Variants in NUP88 observed in about 807,000 individuals in gnomAD.
The protein encoded by NUP88 is nuclear pore complex protein Nup88.
In NUP88, 57 loss-of-function variants were observed where a neutral mutation model predicts 93.9. That is an observed-to-expected ratio of 0.61 (90% CI 0.49 to 0.76). The LOEUF (loss-of-function observed/expected upper bound fraction) is 0.76. Ranked by LOEUF, NUP88 falls within the 30% of genes least tolerant of loss-of-function variation. NUP88 has a pLI of 0.00. For synonymous variants in NUP88, 346 were observed against 336.8 expected (o/e 1.03, Z -0.30); for missense variants, 911 against 901.0 (o/e 1.01, Z -0.14).
chr17:5,416,561 C>G lies in NUP88; in HGVS notation c.419G>C (p.Trp140Ser). Residue 140 changes from tryptophan (W) to serine (S), a missense_variant, in exon 2 of 17, where the codon TGG (tryptophan) becomes TCG (serine). Trp to Ser is a radical substitution (Grantham distance 177). Transcript: ENST00000573584. ...GLMVLELPKR[W>S]GKNSEFEGGK... ...ACCTTCAAATTCAGAATTCTTCCCC[C>G]ATCTTTTAGGTAATTCTAATACCAT... 1 of 1,611,886 alleles carries G rather than the reference C, an allele frequency of 6.2e-7. No individual in the cohort carries two copies. The highest frequency in any genetic ancestry group is 8.5e-7 in the Non-Finnish European group (1 of 1,179,150).
At chr17:5,412,879 C>T (rs2151647278) in intron 3 of NUP88, among the ~76,000 whole-genome samples, 1 of 152,360 alleles carries the variant, frequency 6.6e-6, no homozygotes, top group East Asian at 1.9e-4. Context: ...CCATTCCTTA[C>T]ACTTCACCCT....
At chr17:5,416,188 T>TAA (rs1555530312) in intron 2 of NUP88, among the ~76,000 whole-genome samples, 2 of 126,202 alleles carry the variant, frequency 1.6e-5, no homozygotes, top group African/African-American at 6.0e-5. Context: ...TATACACACA[T>TAA]ACACACACAC....
intron 9 of NUP88, among the ~76,000 whole-genome samples, 182 bp downstream of exon 9, chr17:5,394,709 T>C (rs567883315): frequency 3.9e-5 from 6 of 152,150 alleles, no homozygotes; most frequent in African/African-American, 1.4e-4. Context: ...GTATGTCGAG[T>C]GGCCCTGGAG....
Position 5,386,185 on chromosome 17 carries a change from G to A in NUP88, c.*21C>T. ...GCCTTCAATGGTGTTCAGTTCAGGT[G>A]TGAGTCAGCTCCTGGTGGTGTCAGA... is the stretch of plus-strand genomic sequence containing the variant. On this transcript the variant is annotated 3_prime_UTR_variant, in exon 17 of 17. Transcript: ENST00000573584. The A allele has an allele frequency of 6.3e-7, 1 of 1,598,284 alleles. No homozygotes were observed. The highest frequency in any genetic ancestry group is 8.6e-7 in the Non-Finnish European group (1 of 1,167,552).
In NUP88 at chr17:5,409,490, A is replaced by G. The variant is rs116371758; in HGVS notation, c.681-581T>C. Among the ~76,000 whole-genome samples the G allele has an allele frequency of 6.4e-3, 971 of 152,332 alleles. 8 individuals are homozygous for G. The highest frequency in any genetic ancestry group is 0.021 in the African/African-American group (866 of 41,578). ...TAAATACACAGATATACAAATAGCA[A>G]AAATTTATTATATACACACACATAA... is the stretch of plus-strand genomic sequence containing the variant. On this transcript the variant is annotated intron_variant, in intron 4 of 16. Coordinates refer to ENST00000573584, the MANE Select transcript of NUP88 (RefSeq NM_002532.6).
chr17:5,405,041 A>G lies in NUP88; in HGVS notation c.1044+16T>C, dbSNP rs762562206. 1 of 1,609,958 alleles carries G rather than the reference A, an allele frequency of 6.2e-7. No homozygotes were observed. The highest frequency in any genetic ancestry group is 8.5e-7 in the Non-Finnish European group (1 of 1,177,668). On this transcript the variant is annotated intron_variant, in intron 6 of 16. Transcript: ENST00000573584. ...AGGTGTTGAAGATACAAACAACCAC[A>G]GCAGCCTGCACTTACCGTGTGGTCA...
intron 1 of NUP88, 54 bp from the exon 2 acceptor site, chr17:5,416,736 G>A: frequency 1.4e-6 from 2 of 1,417,044 alleles, no homozygotes; most frequent in Non-Finnish European, 1.9e-6. Context: ...AAATATAGGT[G>A]GCAGTTACTT....
rs201394536 is a variant in NUP88, at chr17:5,386,820, T to C, written c.2050A>G (p.Met684Val). ...HLGNAIKQVT[M>V]KKDYQQQKME... ...TTTTGCTGTTGATAATCCTTTTTCA[T>C]AGTAACCTTAAGTATTAAAATAATA... The change falls in exon 16 of 17, where the codon ATG becomes GTG. Residue 684 changes from methionine (M) to valine (V), a missense_variant. Coordinates refer to ENST00000573584, the MANE Select transcript of NUP88 (RefSeq NM_002532.6). The C allele has an allele frequency of 1.9e-6, 3 of 1,609,922 alleles. No homozygotes were observed. Among genetic ancestry groups the C allele is most frequent in the South Asian group, 1.1e-5 (1 of 90,998 alleles).
rs748562539 is a variant in NUP88 at position 5,419,494 on chromosome 17, G to A, written c.157C>T (p.Pro53Ser). 1.2e-6 allele frequency: 2 copies of A among 1,614,000 alleles called. No homozygotes were observed. Among genetic ancestry groups the A allele is most frequent in the Admixed American group, 1.7e-5 (1 of 60,026 alleles). The change falls in exon 1 of 17, where the codon CCG becomes TCG. Residue 53 changes from proline (P) to serine (S), a missense_variant. By Grantham distance (74) the Pro-to-Ser change is moderately conservative. Transcript: ENST00000573584. ...ACCACGTTTCTCGTCAGCAACTGCG[G>A]CGGCGGCGACGAAGGCAACGACGAA... is the stretch of plus-strand genomic sequence containing the variant. ...ASSSLPSSPPPQLLTRNVVFG... is the reference protein window; with the variant it reads ...ASSSLPSSPPSQLLTRNVVFG...
At chr17:5,411,362 G>A (rs778749420) in intron 3 of NUP88, among the ~76,000 whole-genome samples, 2 of 152,040 alleles carry the variant, frequency 1.3e-5, no homozygotes, top group African/African-American at 2.4e-5. Flanking sequence ...TCAGGAGTTC[G>A]TGACCAGCCT....
At chr17:5,411,607 C>G (rs543427795) in intron 3 of NUP88, among the ~76,000 whole-genome samples, 1 of 146,462 alleles carries the variant, frequency 6.8e-6, no homozygotes, top group East Asian at 2.0e-4. Flanking sequence ...ACCAAACAAA[C>G]AAACCCAGTA....
intron 3 of NUP88, among the ~76,000 whole-genome samples, chr17:5,412,021 G>A (rs932181266): frequency 1.8e-4 from 28 of 152,150 alleles, no homozygotes; most frequent in Middle Eastern, 3.2e-3. Flanking sequence ...CAGGGCATTC[G>A]GTGAAAATTT....
intron 8 of NUP88, among the ~76,000 whole-genome samples, chr17:5,396,070 A>C (rs959082164): frequency 6.6e-6 from 1 of 151,822 alleles, no homozygotes; most frequent in African/African-American, 2.4e-5. Flanking sequence ...AATTAGCTGG[A>C]CGTGGTGGTG....
chr17:5,406,763 T>A (rs1913517275), intron 5 of NUP88, among the ~76,000 whole-genome samples: 1 of 119,770 alleles, frequency 8.3e-6, no homozygotes, highest in Non-Finnish European at 1.7e-5. Flanking sequence ...TGATGAGCTT[T>A]AAAAAAAAAA....
At position 5,386,203 on chromosome 17, in the gene NUP88, G is replaced by A; in HGVS notation, c.*3C>T. On this transcript the variant is annotated 3_prime_UTR_variant, in exon 17 of 17. Transcript: ENST00000573584. ...TTCAGGTGTGAGTCAGCTCCTGGTG[G>A]TGTCAGAAGTTTACATGATTGCGGA... 1.2e-6 allele frequency: 2 copies of A among 1,611,538 alleles called. No individual in the cohort carries two copies. The highest frequency in any genetic ancestry group is 1.7e-6 in the Non-Finnish European group (2 of 1,178,304).
At chr17:5,397,516 T>C (rs369503626) in intron 8 of NUP88, among the ~76,000 whole-genome samples, 48 of 152,248 alleles carry the variant, frequency 3.2e-4, no homozygotes, top group Middle Eastern at 3.4e-3. Flanking sequence ...AGCCAAGGAA[T>C]GTGGCAGGAG....
intron 9 of NUP88, among the ~76,000 whole-genome samples, chr17:5,393,593 T>C (rs751003737): frequency 1.3e-5 from 2 of 151,908 alleles, no homozygotes; most frequent in Non-Finnish European, 2.9e-5. Context: ...TCTGCCACCA[T>C]GCCTGGCTAA....
In NUP88 at chr17:5,419,621, G is replaced by C. The variant is rs910207195; in HGVS notation, c.30C>G (p.Asp10Glu). The C allele has an allele frequency of 5.6e-6, 9 of 1,595,560 alleles. No individual in the cohort carries two copies. The highest frequency in any genetic ancestry group is 3.3e-5 in the Admixed American group (2 of 59,762). ...GAAGCCAGGTCTGCCACAGCTCGCC[G>C]TCGCCCACCGGTCCCTCGGCGGCCG... MAAAEGPVG[D>E]GELWQTWLPN... Residue 10 changes from aspartate (D) to glutamate (E), a missense_variant, in exon 1 of 17, where the codon GAC becomes GAG. By Grantham distance (45) the Asp-to-Glu change is conservative. Coordinates refer to ENST00000573584, the MANE Select transcript of NUP88 (RefSeq NM_002532.6).
At chr17:5,386,413 G>A (rs1911980867) in intron 16 of NUP88, 144 bp from the exon 17 acceptor site, 2 of 705,714 alleles carry the variant, frequency 2.8e-6, no homozygotes, top group Non-Finnish European at 2.4e-6. Flanking sequence ...GATAGCAATA[G>A]TGTTCACTAT....
Sources: gnomAD v4.1 joint callset for allele counts (sites outside exome capture counted in the v4.1 genomes callset) on GRCh38, gnomAD v4.1.1 for gene constraint, MANE v1.5 for transcripts, NCBI Gene and HGNC (gene_info 2026-07-23, HGNC 2026-07-21) for gene names.